The following GNAL variants were observed in gnomAD, a reference collection of about 807,000 sequenced individuals.
GNAL encodes G protein subunit alpha L.
In GNAL, 18 loss-of-function variants were observed where a neutral mutation model predicts 55.1. The ratio of observed to expected loss-of-function variants is 0.33; its 90% CI spans 0.23 to 0.48. GNAL has a LOEUF of 0.48. GNAL is among the 20% of genes least tolerant of loss of function. The pLI, the probability that GNAL is intolerant of heterozygous loss-of-function variation, is 0.99. For synonymous variants in GNAL, 253 were observed against 237.0 expected (o/e 1.07, Z -0.62); for missense variants, 412 against 614.1 (o/e 0.67, Z 3.48).
At chr18:11,872,158 T>C (rs1157327575) in intron 9 of GNAL, 110 bp from the exon 10 acceptor site, 2 of 686,948 alleles carry the variant, frequency 2.9e-6, no homozygotes, top group African/African-American at 1.9e-5. Flanking sequence ...TTGAATCCTA[T>C]ACATTTTTAG....
rs901017195 is a variant in GNAL, at chr18:11,689,525, C to G, written c.-39C>G. 7.5e-6 allele frequency: 8 copies of G among 1,067,054 alleles called. No homozygotes were observed. In the African/African-American group the frequency reaches 9.9e-5, roughly 13 times the overall value. The allele number at this position is 1,067,054 out of a possible 1,614,324, so 66.1% of individuals were successfully genotyped here. A position where few individuals can be genotyped will look rare whatever the true frequency, so the allele number is the denominator to read the frequency against. ...CAGGCCGCCCTCGGCGCCCAGCCTG[C>G]CCTAGTCCCGCGCGCCGCCCCCGCT... On this transcript the variant is annotated 5_prime_UTR_variant, in exon 1 of 12. Coordinates refer to ENST00000334049, the MANE Select transcript of GNAL (RefSeq NM_182978.4).
intron 5 of GNAL, 21 bp downstream of exon 5, chr18:11,825,036 G>T (rs371539574): frequency 2.4e-6 from 3 of 1,237,446 alleles, no homozygotes; most frequent in Non-Finnish European, 3.6e-6. Context: ...TCCTGTACAA[G>T]TTACAGGGCC....
chr18:11,744,540 G>C lies in GNAL; in HGVS notation c.377-8313G>C, dbSNP rs114999913. On this transcript the variant is annotated intron_variant, in intron 1 of 11. Coordinates refer to ENST00000334049, the MANE Select transcript of GNAL (RefSeq NM_182978.4). ...AAAAAAAAGAGAGATAAAACAACAG[G>C]AAGTTGTTTAAAATGTCCCGAAGGG... Among the ~76,000 whole-genome samples, 1,491 of 152,238 alleles carry C rather than the reference G, an allele frequency of 9.8e-3. 22 individuals carry two copies. The highest frequency in any genetic ancestry group is 0.034 in the African/African-American group (1,425 of 41,544).
chr18:11,849,395 G>T (rs1449570972), intron 5 of GNAL, among the ~76,000 whole-genome samples: 3 of 151,866 alleles, frequency 2.0e-5, no homozygotes, highest in Non-Finnish European at 4.4e-5. Context: ...TCAGCTACTC[G>T]GGAGACTGAG....
At chr18:11,847,582 T>C (rs980605686) in intron 5 of GNAL, among the ~76,000 whole-genome samples, 6 of 152,142 alleles carry the variant, frequency 3.9e-5, no homozygotes, top group East Asian at 1.9e-4. Flanking sequence ...TAAAAATAAT[T>C]AACTGGTTTG....
At chr18:11,767,978 A>G (rs1044879198) in intron 4 of GNAL, among the ~76,000 whole-genome samples, 3 of 152,196 alleles carry the variant, frequency 2.0e-5, no homozygotes, top group African/African-American at 7.2e-5. Flanking sequence ...GAAACTAGTT[A>G]TTTGCCCCCT....
chr18:11,794,888 G>A (rs146238485), intron 4 of GNAL, among the ~76,000 whole-genome samples: 1,683 of 152,174 alleles, frequency 0.011, 19 homozygotes, highest in Non-Finnish European at 0.018. Context: ...TGTCACCCAG[G>A]CTGGAGTGCA....
In GNAL at chr18:11,830,282, C is replaced by CTTTTTT. The variant is rs71172023; in HGVS notation, c.722+5283_722+5288dup. Among the ~76,000 whole-genome samples the CTTTTTT allele has an allele frequency of 4.7e-4, 47 of 99,198 alleles. 2 individuals are homozygous for CTTTTTT. The highest frequency in any genetic ancestry group is 7.3e-4 in the African/African-American group (18 of 24,808). The allele number at this position is 99,198 out of a possible 152,430, so 65.1% of individuals were successfully genotyped here. A position where few individuals can be genotyped will look rare whatever the true frequency, so the allele number is the denominator to read the frequency against. The stretch of plus-strand genomic sequence containing the variant: ...GTCACCTTGCTCAACAGAATTGCAT[C>CTTTTTT]TTTTTTTTTTTTTTTTTTTTTGAGG... On this transcript the variant is annotated intron_variant, in intron 5 of 11. Coordinates refer to ENST00000334049, the MANE Select transcript of GNAL (RefSeq NM_182978.4).
At chr18:11,762,848 G>A (rs1393928399) in intron 4 of GNAL, among the ~76,000 whole-genome samples, 1 of 152,174 alleles carries the variant, frequency 6.6e-6, no homozygotes, top group African/African-American at 2.4e-5. Context: ...GTCTGTCATT[G>A]GACAAAGGGC....
chr18:11,787,521 C>G (rs976422082), intron 4 of GNAL, among the ~76,000 whole-genome samples: 1 of 152,164 alleles, frequency 6.6e-6, no homozygotes, highest in African/African-American at 2.4e-5. Context: ...TGGCAGCCAT[C>G]ATGTAATAAA....
Position 11,857,536 on chromosome 18 carries a change from T to A in GNAL, c.723-4859T>A. 3.0e-6 allele frequency: 3 copies of A among 984,436 alleles called. No homozygotes were observed. In the South Asian group the frequency reaches 1.4e-4, roughly 46 times the overall value. 61.0% of individuals were successfully genotyped at this position (984,436 alleles called of 1,614,324 possible). ...CCATGGGAAGGAGGAAGCGCAGGAG[T>A]CATGAGAAATGATGGTTCAGGCAGA... is the stretch of plus-strand genomic sequence containing the variant. On this transcript the variant is annotated intron_variant, in intron 5 of 11. Coordinates refer to ENST00000334049, the MANE Select transcript of GNAL (RefSeq NM_182978.4).
At chr18:11,823,514 A>G (rs2035159831) in intron 4 of GNAL, among the ~76,000 whole-genome samples, 1 of 152,222 alleles carries the variant, frequency 6.6e-6, no homozygotes, top group African/African-American at 2.4e-5. Flanking sequence ...TCCCCTTCCA[A>G]GGATTTATAC....
intron 5 of GNAL, among the ~76,000 whole-genome samples, chr18:11,834,987 A>G (rs970646485): frequency 5.3e-5 from 8 of 152,192 alleles, no homozygotes; most frequent in Admixed American, 5.2e-4. Flanking sequence ...AAGACTATTC[A>G]ACAGGTGCTG....
intron 1 of GNAL, among the ~76,000 whole-genome samples, chr18:11,736,202 C>T (rs1164003415): frequency 6.6e-6 from 1 of 152,110 alleles, no homozygotes; most frequent in Non-Finnish European, 1.5e-5. Flanking sequence ...CCAGACCAGC[C>T]TGAGCAACAT....
intron 5 of GNAL, among the ~76,000 whole-genome samples, chr18:11,829,469 C>A (rs1185469071): frequency 6.6e-6 from 1 of 152,192 alleles, no homozygotes; most frequent in African/African-American, 2.4e-5. Context: ...AATTCTTTTA[C>A]TTTGCCAAAT....
At chr18:11,696,942 C>CT (rs775551860) in intron 1 of GNAL, among the ~76,000 whole-genome samples, 6 of 152,110 alleles carry the variant, frequency 3.9e-5, no homozygotes, top group Non-Finnish European at 8.8e-5. Context: ...AGACCTTGTC[C>CT]GAGGCCCTTA....
chr18:11,748,227 T>C (rs2032734522), intron 1 of GNAL, among the ~76,000 whole-genome samples: 1 of 152,206 alleles, frequency 6.6e-6, no homozygotes, highest in Non-Finnish European at 1.5e-5. Context: ...GTAAGGAAAG[T>C]GCTTTTATGT....
At chr18:11,776,707 CAAA>C (rs33937288) in intron 4 of GNAL, among the ~76,000 whole-genome samples, 15 of 71,644 alleles carry the variant, frequency 2.1e-4, no homozygotes, top group Admixed American at 3.3e-4. Context: ...GATCCTGCCT[CAAA>C]AAAAAAAAAA....
At chr18:11,690,189 A>C (rs900281615) in intron 1 of GNAL, among the ~76,000 whole-genome samples, 51 of 152,098 alleles carry the variant, frequency 3.4e-4, no homozygotes, top group African/African-American at 1.2e-3. Flanking sequence ...CAGTGCCTTG[A>C]GCTTACTGCC....
Sources: allele counts gnomAD v4.1 joint callset (sites outside exome capture counted in the v4.1 genomes callset), GRCh38; gene constraint gnomAD v4.1.1; transcripts MANE v1.5; gene names NCBI Gene and HGNC (gene_info 2026-07-23, HGNC 2026-07-21).